Variants in CDIN1 observed in about 807,000 individuals in gnomAD.
The protein encoded by CDIN1 is CDAN1 interacting nuclease 1.
A neutral mutation model predicts 45.3 loss-of-function variants in CDIN1; 33 were observed. The ratio of observed to expected loss-of-function variants is 0.73; its 90% CI spans 0.55 to 0.97. The LOEUF (loss-of-function observed/expected upper bound fraction) is 0.97. CDIN1 is among the 50% of genes least tolerant of loss of function. CDIN1 has a pLI of 0.00. For missense variants in CDIN1, 303 were observed against 339.4 expected (o/e 0.89, Z 0.84); for synonymous variants, 118 against 124.4 (o/e 0.95, Z 0.34).
intron 1 of CDIN1, among the ~76,000 whole-genome samples, chr15:36,596,955 C>T (rs1216168286): frequency 2.0e-5 from 3 of 152,176 alleles, no homozygotes; most frequent in Admixed American, 1.3e-4. Flanking sequence ...AACACACTTA[C>T]ATTTTTATAA....
chr15:36,753,859 A>C (rs2140978286), intron 10 of CDIN1, among the ~76,000 whole-genome samples: 2 of 152,296 alleles, frequency 1.3e-5, no homozygotes, highest in Middle Eastern at 6.8e-3. Flanking sequence ...AACATTTGTT[A>C]GACTCTTGGG....
chr15:36,683,833 T>C (rs2041942258), intron 5 of CDIN1, among the ~76,000 whole-genome samples: 1 of 103,892 alleles, frequency 9.6e-6, no homozygotes, highest in Non-Finnish European at 2.0e-5. Context: ...TTATTCTCTT[T>C]GAAGCAATTG....
In CDIN1 at chr15:36,755,567, G is replaced by A. The variant is rs1431713728; in HGVS notation, c.716+45606G>A. Among the ~76,000 whole-genome samples, 3 of 151,968 alleles carry A rather than the reference G, an allele frequency of 2.0e-5. No individual in the cohort carries two copies. In the East Asian group the frequency reaches 5.8e-4, roughly 29 times the overall value. On this transcript the variant is annotated intron_variant, in intron 10 of 10. Transcript: ENST00000566621. ...TATACATTAATTGCCCTGTAACACT[G>A]GTAATTACGAGTTTTTCAAGCCTCT...
chr15:36,585,209 C>T (rs1033376626), intron 1 of CDIN1, among the ~76,000 whole-genome samples: 2 of 152,066 alleles, frequency 1.3e-5, no homozygotes, highest in African/African-American at 4.8e-5. Flanking sequence ...TCTCATATAC[C>T]CTTCACCCAG....
chr15:36,601,003 A>G (rs2038071195), intron 1 of CDIN1, among the ~76,000 whole-genome samples: 1 of 152,120 alleles, frequency 6.6e-6, no homozygotes, highest in Admixed American at 6.5e-5. Context: ...GTGATTCAAC[A>G]TAATTTCTAT....
chr15:36,637,900 G>C (rs950147373), intron 1 of CDIN1, among the ~76,000 whole-genome samples: 3 of 152,110 alleles, frequency 2.0e-5, no homozygotes, highest in African/African-American at 7.2e-5. Context: ...GGACATATTT[G>C]GGTGGTAAAA....
At chr15:36,808,202 C>A (rs1321531969) in intron 10 of CDIN1, 122 bp from the exon 11 acceptor site, 2 of 1,394,374 alleles carry the variant, frequency 1.4e-6, no homozygotes, top group Non-Finnish European at 9.8e-7. Context: ...ACAATGGTAG[C>A]AACCAAAACA....
At chr15:36,653,688 T>C (rs1340841152) in intron 3 of CDIN1, among the ~76,000 whole-genome samples, 2 of 152,190 alleles carry the variant, frequency 1.3e-5, no homozygotes, top group Admixed American at 1.3e-4. Context: ...AGCAGCCCTG[T>C]GAAACAGGTA....
At chr15:36,613,896 G>A (rs899257168) in intron 1 of CDIN1, 5 of 1,554,442 alleles carry the variant, frequency 3.2e-6, no homozygotes, top group Non-Finnish European at 4.4e-6. Flanking sequence ...GACTTGGAAC[G>A]CACAGAGAAT....
intron 10 of CDIN1, among the ~76,000 whole-genome samples, chr15:36,744,915 A>G (rs182157305): frequency 3.9e-5 from 6 of 152,338 alleles, no homozygotes; most frequent in African/African-American, 1.4e-4. Context: ...CTAGCTTTCT[A>G]CATCCCAGAA....
At chr15:36,726,535 G>A (rs2043631828) in intron 10 of CDIN1, among the ~76,000 whole-genome samples, 2 of 152,134 alleles carry the variant, frequency 1.3e-5, no homozygotes, top group Non-Finnish European at 2.9e-5. Context: ...GTCTGACATT[G>A]TAGATGTACT....
intron 3 of CDIN1, among the ~76,000 whole-genome samples, chr15:36,645,495 TGTGTGTG>T (rs1470199603): frequency 9.8e-4 from 2 of 2,032 alleles, no homozygotes; most frequent in Non-Finnish European, 0.02. Flanking sequence ...TGTCTTGACT[TGTGTGTG>T]TGTGTGTGTG....
At chr15:36,741,458 C>CTTTT (rs541497919) in intron 10 of CDIN1, among the ~76,000 whole-genome samples, 1 of 130,558 alleles carries the variant, frequency 7.7e-6, no homozygotes, top group African/African-American at 2.8e-5. Flanking sequence ...ATTTGAAAAG[C>CTTTT]TTTTTTTTTT....
At chr15:36,628,826 A>G (rs2039560256) in intron 1 of CDIN1, among the ~76,000 whole-genome samples, 1 of 152,212 alleles carries the variant, frequency 6.6e-6, no homozygotes, top group African/African-American at 2.4e-5. Flanking sequence ...AGATGTAATT[A>G]ACTTAAGGAT....
chr15:36,641,365 T>C (rs1185512573), intron 1 of CDIN1: 2 of 152,408 alleles, frequency 1.3e-5, no homozygotes, highest in Admixed American at 1.3e-4. Context: ...ACAGTGCTAG[T>C]TTTTTCTTCA....
intron 10 of CDIN1, chr15:36,798,545 G>C (rs1180159155): frequency 1.3e-5 from 2 of 152,154 alleles, no homozygotes; most frequent in Non-Finnish European, 2.9e-5. Context: ...TAGATTTATA[G>C]GGCAAACATG....
intron 1 of CDIN1, among the ~76,000 whole-genome samples, chr15:36,595,507 A>G (rs1249465883): frequency 6.6e-6 from 1 of 152,160 alleles, no homozygotes; most frequent in Admixed American, 6.5e-5. Flanking sequence ...AAACCTGCTC[A>G]TGTTATAGTA....
At chr15:36,691,987 C>A in intron 6 of CDIN1, 139 bp from the exon 7 acceptor site, 2 of 851,936 alleles carry the variant, frequency 2.3e-6, no homozygotes, top group Admixed American at 3.4e-5. Flanking sequence ...TGATTAAATC[C>A]GAACCGCCTT....
At position 36,756,039 on chromosome 15, in the gene CDIN1, G is replaced by A. The variant is rs930560905; in HGVS notation, c.716+46078G>A. The stretch of plus-strand genomic sequence containing the variant: ...TGTGCTGAGTCCAGCAAGGAGAAGC[G>A]TTGATGCCTTTATTCAACAAATTCC... On this transcript the variant is annotated intron_variant, in intron 10 of 10. Transcript: ENST00000566621. 8.1e-5 allele frequency: 37 copies of A among 455,862 alleles called. 2 individuals carry two copies. The Middle Eastern group carries it at 2.9e-3, about 36-fold the overall frequency. The allele number at this position is 455,862 out of a possible 1,614,324, so 28.2% of individuals were successfully genotyped here. A position where few individuals can be genotyped will look rare whatever the true frequency, so the allele number is the denominator to read the frequency against.
Sources: gnomAD v4.1 joint callset for allele counts (sites outside exome capture counted in the v4.1 genomes callset) on GRCh38, gnomAD v4.1.1 for gene constraint, MANE v1.5 for transcripts, NCBI Gene and HGNC (gene_info 2026-07-23, HGNC 2026-07-21) for gene names.